APBB2: variants seen among roughly 807,000 people sequenced by gnomAD.
The protein encoded by APBB2 is Fe65-like 1.
In APBB2, 38 loss-of-function variants were observed where a neutral mutation model predicts 82.5. The ratio of observed to expected loss-of-function variants is 0.46; its 90% CI spans 0.36 to 0.60. The LOEUF is 0.60. Ranked by LOEUF, APBB2 falls within the 20% of genes least tolerant of loss-of-function variation. The pLI, the probability that APBB2 is intolerant of heterozygous loss-of-function variation, is 0.00. For missense variants in APBB2, 772 were observed against 972.3 expected, an observed-to-expected ratio of 0.79 and a Z score of 2.74; for synonymous variants, 341 against 368.2, an observed-to-expected ratio of 0.93 and a Z score of 0.85.
intron 3 of APBB2, among the ~76,000 whole-genome samples, chr4:41,071,883 C>T (rs1377589000): frequency 2.0e-5 from 3 of 152,060 alleles, no homozygotes; most frequent in Non-Finnish European, 4.4e-5. Context: ...TTTGGTGACA[C>T]AGGATCATCA....
At chr4:40,878,592 G>A (rs921577551) in intron 12 of APBB2, among the ~76,000 whole-genome samples, 1 of 152,050 alleles carries the variant, frequency 6.6e-6, no homozygotes, top group Non-Finnish European at 1.5e-5. Context: ...TCCCGCCTCA[G>A]GACTTTCAAA....
At position 41,065,564 on chromosome 4, in the gene APBB2, T is replaced by G. The variant is rs1243313766; in HGVS notation, c.-51+12A>C. Reference sequence around the variant, plus strand: ...GAGAAAAAAGCAAGAGAGAGACTGATCCCATACATACATGAGCTGCCTGGA... The same window carrying G: ...GAGAAAAAAGCAAGAGAGAGACTGAGCCCATACATACATGAGCTGCCTGGA... On this transcript the variant is annotated intron_variant, in intron 4 of 17. Coordinates refer to ENST00000508593, the MANE Select transcript of APBB2 (RefSeq NM_004307.2). The G allele has an allele frequency of 6.6e-6, 1 of 151,982 alleles. No homozygotes were observed. The highest frequency in any genetic ancestry group is 1.5e-5 in the Non-Finnish European group (1 of 67,998). The allele number at this position is 151,982 out of a possible 1,614,324, so 9.4% of individuals were successfully genotyped here.
intron 2 of APBB2, among the ~76,000 whole-genome samples, chr4:41,110,780 C>A (rs959275846): frequency 6.6e-6 from 1 of 152,098 alleles, no homozygotes; most frequent in South Asian, 2.1e-4. Flanking sequence ...GAGCAGCGGT[C>A]CCCAACCTTT....
At chr4:41,065,150 C>T (rs966290732) in intron 4 of APBB2, among the ~76,000 whole-genome samples, 10 of 151,616 alleles carry the variant, frequency 6.6e-5, no homozygotes, top group South Asian at 2.1e-4. Flanking sequence ...TAGCCAGGCA[C>T]GGTGGCACAT....
chr4:41,080,125 C>T (rs1042301752), intron 3 of APBB2, among the ~76,000 whole-genome samples: 11 of 152,278 alleles, frequency 7.2e-5, no homozygotes, highest in South Asian at 2.1e-4. Context: ...AGGAACTACA[C>T]GACTATGAAA....
At chr4:40,941,645 T>G (rs547887550) in intron 7 of APBB2, among the ~76,000 whole-genome samples, 1 of 152,340 alleles carries the variant, frequency 6.6e-6, no homozygotes, top group East Asian at 1.9e-4. Flanking sequence ...TTGTTTGTTT[T>G]AAGAGACAGG....
At chr4:40,817,739 T>C (rs781114837) in intron 17 of APBB2, among the ~76,000 whole-genome samples, 19 of 152,264 alleles carry the variant, frequency 1.2e-4, no homozygotes, top group Non-Finnish European at 2.4e-4. Flanking sequence ...CTGATGTCCC[T>C]GTAAAAAGCA....
At chr4:41,059,930 A>C (rs1729202002) in intron 4 of APBB2, among the ~76,000 whole-genome samples, 1 of 151,962 alleles carries the variant, frequency 6.6e-6, no homozygotes. Flanking sequence ...CAGTGAGTCA[A>C]GATCGTGCCA....
At chr4:41,076,347 A>G (rs1422478205) in intron 3 of APBB2, among the ~76,000 whole-genome samples, 1 of 152,176 alleles carries the variant, frequency 6.6e-6, no homozygotes, top group African/African-American at 2.4e-5. Flanking sequence ...TATCTTTGCT[A>G]AACCATGAAG....
intron 6 of APBB2, among the ~76,000 whole-genome samples, chr4:41,012,406 A>G (rs115524232): frequency 2.6e-4 from 39 of 152,196 alleles, no homozygotes; most frequent in African/African-American, 8.9e-4. Flanking sequence ...AGAGCTGTGA[A>G]CTCAGGGACA....
At chr4:40,991,657 AAC>A (rs746019493) in intron 6 of APBB2, among the ~76,000 whole-genome samples, 9 of 151,936 alleles carry the variant, frequency 5.9e-5, no homozygotes, top group African/African-American at 2.2e-4. Context: ...AAGAAAGAAA[AAC>A]ACACACACAC....
At chr4:40,847,500 C>T (rs1248270106) in intron 12 of APBB2, among the ~76,000 whole-genome samples, 1 of 152,142 alleles carries the variant, frequency 6.6e-6, no homozygotes, top group African/African-American at 2.4e-5. Context: ...CACCAGAAGG[C>T]TCCTATCTGA....
chr4:40,919,934 T>C (rs1471609240), intron 10 of APBB2, among the ~76,000 whole-genome samples: 2 of 152,164 alleles, frequency 1.3e-5, no homozygotes, highest in African/African-American at 2.4e-5. Context: ...AACCCAGGTA[T>C]TGCTGCTCCT....
rs373857493 is a variant in APBB2, at chr4:40,845,448, G to A, written c.1530-14871C>T. On this transcript the variant is annotated intron_variant, in intron 12 of 17. Transcript: ENST00000508593. ...CACATGAGCCGCACATCCCAAGGCTGCCTGATCAGCATGCTCTCCGTGGCT... is the reference window on the plus strand; with the variant it reads ...CACATGAGCCGCACATCCCAAGGCTACCTGATCAGCATGCTCTCCGTGGCT... Among the ~76,000 whole-genome samples, 130 of 152,184 alleles carry A rather than the reference G, an allele frequency of 8.5e-4. 2 individuals carry two copies. The highest frequency in any genetic ancestry group is 3.5e-3 in the Admixed American group (54 of 15,274).
rs539191918 is a variant in APBB2, at chr4:40,923,043, T to C, written c.1254+11413A>G. Among the ~76,000 whole-genome samples, 606 of 133,196 alleles carry C rather than the reference T, an allele frequency of 4.5e-3. 8 individuals are homozygous for C. The highest frequency in any genetic ancestry group is 0.016 in the African/African-American group (586 of 37,714). 87.4% of individuals were successfully genotyped at this position (133,196 alleles called of 152,430 possible). A position where few individuals can be genotyped will look rare whatever the true frequency, so the allele number is the denominator to read the frequency against. On this transcript the variant is annotated intron_variant, in intron 10 of 17. Transcript: ENST00000508593. ...AGGCCGGATTGCAGTGGCACAATCT[T>C]GGCTCACTGCAAGCTCCGCCCTCCC...
intron 12 of APBB2, among the ~76,000 whole-genome samples, chr4:40,863,249 G>A (rs1217797649): frequency 6.6e-6 from 1 of 152,216 alleles, no homozygotes; most frequent in East Asian, 1.9e-4. Context: ...ACAGCTATGT[G>A]GATGTCAGAA....
At chr4:41,072,756 T>C (rs1008802967) in intron 3 of APBB2, among the ~76,000 whole-genome samples, 5 of 152,194 alleles carry the variant, frequency 3.3e-5, no homozygotes, top group Non-Finnish European at 7.3e-5. Flanking sequence ...TTGGAGAAAT[T>C]CAATAAGCAG....
At chr4:40,972,406 T>C (rs6824932) in intron 6 of APBB2, among the ~76,000 whole-genome samples, 143,461 of 150,796 alleles carry the variant, frequency 0.95, 68,419 homozygotes, top group Middle Eastern at 0.99. Flanking sequence ...CCAGCCTGGG[T>C]GACAGAGCGA....
rs80298656 is a variant in APBB2 at position 41,015,036 on chromosome 4, A to T, written c.20-638T>A. Among the ~76,000 whole-genome samples, 657 of 152,356 alleles carry T rather than the reference A, an allele frequency of 4.3e-3. 3 individuals carry two copies. Among genetic ancestry groups the T allele is most frequent in the African/African-American group, 0.015 (621 of 41,586 alleles). On this transcript the variant is annotated intron_variant, in intron 5 of 17. Coordinates refer to ENST00000508593, the MANE Select transcript of APBB2 (RefSeq NM_004307.2). ...TTTGAAGAAATGGCTTAATTTCTGA[A>T]GAACACGTACACACGCACACAAAAC...
Sources: allele counts gnomAD v4.1 joint callset (sites outside exome capture counted in the v4.1 genomes callset), GRCh38; gene constraint gnomAD v4.1.1; transcripts MANE v1.5; gene names NCBI Gene and HGNC (gene_info 2026-07-23, HGNC 2026-07-21).